Variants in OR3A2 observed in about 807,000 individuals in gnomAD.
OR3A2 encodes olfactory receptor family 3 subfamily A member 2, also known as olfactory receptor 3A2.
For synonymous variants in OR3A2, 126 were observed against 159.3 expected, an observed-to-expected ratio of 0.79 and a Z score of 1.57; for missense variants, 318 against 392.8, an observed-to-expected ratio of 0.81 and a Z score of 1.61.
chr17:3,308,157 T>C (rs1483790517), intron 3 of OR3A2, among the ~76,000 whole-genome samples: 1 of 152,176 alleles, frequency 6.6e-6, no homozygotes, highest in South Asian at 2.1e-4. Context: ...TTTGAGGTCA[T>C]TATGTCTTTG....
intron 2 of OR3A2, among the ~76,000 whole-genome samples, chr17:3,346,549 T>G (rs978853546): frequency 6.6e-6 from 1 of 152,170 alleles, no homozygotes; most frequent in African/African-American, 2.4e-5. Flanking sequence ...ATTATAGCAA[T>G]TATACTATTT....
intron 1 of OR3A2, 56 bp from the exon 5 acceptor site, chr17:3,278,979 A>G: frequency 1.3e-6 from 2 of 1,575,460 alleles, no homozygotes; most frequent in Non-Finnish European, 8.6e-7. Context: ...CACTTATTCA[A>G]CATTAATATT....
intron 1 of OR3A2, 61 bp downstream of exon 4, chr17:3,279,015 G>A (rs2014057): frequency 0.13 from 207,662 of 1,544,638 alleles, 17,897 homozygotes; most frequent in African/African-American, 0.35. Flanking sequence ...TCAAAGCCCC[G>A]TGGCGAGTCC....
At chr17:3,307,641 A>T (rs959679537) in intron 3 of OR3A2, among the ~76,000 whole-genome samples, 1 of 152,198 alleles carries the variant, frequency 6.6e-6, no homozygotes, top group African/African-American at 2.4e-5. Flanking sequence ...AAACATTTTG[A>T]GCCAGGATGC....
chr17:3,384,343 G>T (rs2049762156), intron 1 of OR3A2, among the ~76,000 whole-genome samples: 1 of 152,208 alleles, frequency 6.6e-6, no homozygotes, highest in South Asian at 2.1e-4. Flanking sequence ...TTGATTTTGT[G>T]CACTGAGGAC....
intron 1 of OR3A2, among the ~76,000 whole-genome samples, chr17:3,279,787 C>CAAACA (rs376334892): frequency 0.011 from 1,747 of 152,070 alleles, 22 homozygotes; most frequent in African/African-American, 0.038. Context: ...GGCTCCATCT[C>CAAACA]AAACAAAACA....
chr17:3,367,599 G>GTATATATATATA (rs201439962), intron 2 of OR3A2, among the ~76,000 whole-genome samples: 3 of 85,966 alleles, frequency 3.5e-5, no homozygotes, highest in African/African-American at 1.5e-4. Context: ...GTGTGTGTGT[G>GTATATATATATA]TGTATATATA....
intron 3 of OR3A2, among the ~76,000 whole-genome samples, chr17:3,309,684 G>A (rs2049025198): frequency 6.6e-6 from 1 of 152,184 alleles, no homozygotes; most frequent in African/African-American, 2.4e-5. Context: ...TATGGAGCTG[G>A]AAATGTCCTC....
At chr17:3,361,332 T>C (rs189499032) in intron 2 of OR3A2, among the ~76,000 whole-genome samples, 2 of 151,778 alleles carry the variant, frequency 1.3e-5, no homozygotes, top group Admixed American at 6.6e-5. Flanking sequence ...GATGGGGTTT[T>C]CTAGATATAC....
intron 2 of OR3A2, among the ~76,000 whole-genome samples, chr17:3,344,954 C>A (rs183652317): frequency 1.1e-4 from 16 of 152,300 alleles, no homozygotes; most frequent in Non-Finnish European, 7.3e-5. Flanking sequence ...CTAGGACTCA[C>A]TTTTGCTCCA....
At chr17:3,361,034 T>C (rs916426485) in intron 2 of OR3A2, among the ~76,000 whole-genome samples, 2 of 151,566 alleles carry the variant, frequency 1.3e-5, no homozygotes, top group African/African-American at 4.9e-5. Context: ...ACGATATTGA[T>C]TCTTCCTACC....
At chr17:3,370,601 G>T (rs939904857) in intron 2 of OR3A2, among the ~76,000 whole-genome samples, 1 of 151,190 alleles carries the variant, frequency 6.6e-6, no homozygotes, top group African/African-American at 2.4e-5. Context: ...GTTCCTTAAG[G>T]TGTGAACTTA....
chr17:3,316,650 G>A (rs2049084443), intron 3 of OR3A2, among the ~76,000 whole-genome samples: 1 of 152,218 alleles, frequency 6.6e-6, no homozygotes, highest in South Asian at 2.1e-4. Context: ...ACCAGGATTA[G>A]AAAATAGGAA....
intron 2 of OR3A2, among the ~76,000 whole-genome samples, chr17:3,345,428 G>GAT (rs2150650067): frequency 1.1e-5 from 1 of 87,520 alleles, no homozygotes; most frequent in South Asian, 6.2e-4. Flanking sequence ...GAAAGAGAGA[G>GAT]AGAGAGAGAG....
chr17:3,327,832 G>C (rs1252621296), intron 3 of OR3A2, among the ~76,000 whole-genome samples: 1 of 139,710 alleles, frequency 7.2e-6, no homozygotes, highest in Non-Finnish European at 1.5e-5. Context: ...CCCATTGCTT[G>C]GTTTTCTCAG....
exon 2 of OR3A2, chr17:3,277,665 G>GCATATAT: frequency 3.6e-6 from 1 of 275,188 alleles, no homozygotes; most frequent in Non-Finnish European, 6.8e-6. Context: ...ATCATCATGT[G>GCATATAT]GTATATATGA....
chr17:3,363,131 C>T (rs768937290), intron 2 of OR3A2, among the ~76,000 whole-genome samples: 1 of 151,812 alleles, frequency 6.6e-6, no homozygotes. Context: ...TCTTGGCTCC[C>T]CATTAAATAT....
At chr17:3,349,500 C>T (rs903716609) in intron 2 of OR3A2, among the ~76,000 whole-genome samples, 5 of 152,138 alleles carry the variant, frequency 3.3e-5, no homozygotes, top group Admixed American at 2.6e-4. Context: ...AATATATATG[C>T]ACCCAATACA....
chr17:3,291,472 GACAGGGCTGCTTTCAGAAATGAA>G, intron 3 of OR3A2: 1 of 586,710 alleles, frequency 1.7e-6, no homozygotes, highest in Non-Finnish European at 2.9e-6. Flanking sequence ...CTTATAATTG[GACAGGGCTGCTTTCAGAAATGAA>G]AACTATTATT....
Sources: allele counts gnomAD v4.1 joint callset (sites outside exome capture counted in the v4.1 genomes callset), GRCh38; gene constraint gnomAD v4.1.1; transcripts MANE v1.5; gene names NCBI Gene and HGNC (gene_info 2026-07-23, HGNC 2026-07-21).